The following SMIM14 variants were observed in gnomAD, a reference collection of about 807,000 sequenced individuals.
SMIM14 encodes the protein chromosome 4 open reading frame 34.
A neutral mutation model predicts 12.6 loss-of-function variants in SMIM14; 5 were observed. The ratio of observed to expected loss-of-function variants is 0.40; its 90% CI spans 0.21 to 0.83. The LOEUF (loss-of-function observed/expected upper bound fraction) is 0.83. Ranked by LOEUF, SMIM14 falls within the 40% of genes least tolerant of loss-of-function variation. The pLI is 0.37. For missense variants in SMIM14, 86 were observed against 119.1 expected, an observed-to-expected ratio of 0.72 and a Z score of 1.29; for synonymous variants, 30 against 40.1, an observed-to-expected ratio of 0.75 and a Z score of 0.95.
chr4:39,634,558 C>A (rs1716023334), intron 1 of SMIM14, among the ~76,000 whole-genome samples: 1 of 152,106 alleles, frequency 6.6e-6, no homozygotes, highest in Admixed American at 6.6e-5. Flanking sequence ...TAATACTTGA[C>A]ATATAAAGTA....
intron 2 of SMIM14, among the ~76,000 whole-genome samples, chr4:39,582,581 T>A (rs1172185649): frequency 6.6e-6 from 1 of 151,564 alleles, no homozygotes; most frequent in Admixed American, 6.6e-5. Flanking sequence ...GGAGAATCGC[T>A]TGAACCCAGG....
In SMIM14 at chr4:39,593,246, A is replaced by G. The variant is rs1578341060; in HGVS notation, c.75+11825T>C. On this transcript the variant is annotated intron_variant, in intron 2 of 4. Transcript: ENST00000295958. ...CATTCCTGGGATGTAAGGCTGGTTCAATATATGCAAATCAATAAATGTAAT... is the reference window on the plus strand; with the variant it reads ...CATTCCTGGGATGTAAGGCTGGTTCGATATATGCAAATCAATAAATGTAAT... The G allele has an allele frequency of 3.9e-5, 6 of 152,370 alleles. No individual in the cohort carries two copies. The South Asian group carries it at 1.2e-3, about 32-fold the overall frequency. The allele number at this position is 152,370 out of a possible 1,614,324, so 9.4% of individuals were successfully genotyped here.
intron 2 of SMIM14, among the ~76,000 whole-genome samples, chr4:39,580,153 T>G (rs1419562653): frequency 6.6e-6 from 1 of 151,836 alleles, no homozygotes; most frequent in East Asian, 1.9e-4. Context: ...TACAAAAATG[T>G]GGTTAAAAAA....
chr4:39,582,888 G>A lies in SMIM14; in HGVS notation c.76-10425C>T, dbSNP rs982956146. ...CAGCTCACCACAACCTCCGCCTCCC[G>A]GGTCCAAAATTCTCGTGCCTCAGCC... On this transcript the variant is annotated intron_variant, in intron 2 of 4. Transcript: ENST00000295958. 7.9e-5 allele frequency among the ~76,000 whole-genome samples: 12 copies of A among 151,920 alleles called. 1 individual carries two copies. The highest frequency in any genetic ancestry group is 3.9e-4 in the East Asian group (2 of 5,180).
chr4:39,601,133 C>T (rs1381944587), intron 2 of SMIM14, among the ~76,000 whole-genome samples: 4 of 152,092 alleles, frequency 2.6e-5, no homozygotes, highest in African/African-American at 9.7e-5. Context: ...CCTAACTGCT[C>T]CTAAGTTGTG....
At chr4:39,597,421 T>C (rs1468771798) in intron 2 of SMIM14, among the ~76,000 whole-genome samples, 1 of 151,372 alleles carries the variant, frequency 6.6e-6, no homozygotes, top group Non-Finnish European at 1.5e-5. Flanking sequence ...TTTCAGAAAG[T>C]CATTGTCACT....
chr4:39,552,476 G>A (rs1273168323), intron 4 of SMIM14, among the ~76,000 whole-genome samples: 1 of 152,156 alleles, frequency 6.6e-6, no homozygotes, highest in East Asian at 1.9e-4. Flanking sequence ...GCCAACCCCA[G>A]GAGTGATCTT....
At chr4:39,556,666 A>C (rs1352647752) in intron 3 of SMIM14, 96 bp from the exon 4 acceptor site, 8 of 1,093,532 alleles carry the variant, frequency 7.3e-6, no homozygotes, top group Non-Finnish European at 9.8e-6. Flanking sequence ...CTGTATTAAT[A>C]TAAAAATTGT....
At chr4:39,600,279 T>A (rs183776104) in intron 2 of SMIM14, among the ~76,000 whole-genome samples, 147 of 152,140 alleles carry the variant, frequency 9.7e-4, no homozygotes, top group Middle Eastern at 3.4e-3. Context: ...CCTCAAGTGA[T>A]CCACCTGCCT....
intron 1 of SMIM14, among the ~76,000 whole-genome samples, chr4:39,615,087 C>T (rs1715170929): frequency 6.6e-6 from 1 of 151,724 alleles, no homozygotes; most frequent in Admixed American, 6.6e-5. Flanking sequence ...CCGATAGAGT[C>T]TCTAAAATGT....
Position 39,556,517 on chromosome 4 carries a change from A to C in SMIM14, c.178T>G (p.Trp60Gly). The change falls in exon 4 of 5, where the codon TGG (tryptophan) becomes GGG (glycine). Residue 60 changes from tryptophan to glycine, a missense_variant. Coordinates refer to ENST00000295958, the MANE Select transcript of SMIM14 (RefSeq NM_174921.3). ...GISVTMILVA[W>G]MVIALILFLL... is the part of the protein sequence containing the mutation. ...AACAAGATCAATGCAATAACCATCC[A>C]GGCTACCAAGATCATTGTAACACTG... 2 of 1,613,990 alleles carry C rather than the reference A, an allele frequency of 1.2e-6. No homozygotes were observed. The highest frequency in any genetic ancestry group is 1.7e-6 in the Non-Finnish European group (2 of 1,179,986).
intron 1 of SMIM14, among the ~76,000 whole-genome samples, chr4:39,635,645 T>C (rs1479209842): frequency 1.3e-5 from 2 of 152,124 alleles, no homozygotes; most frequent in Non-Finnish European, 2.9e-5. Context: ...GTAGTAAACA[T>C]CTAGGACTAA....
rs148560449 is a variant in SMIM14, at chr4:39,576,420, AC to A, written c.76-3958del. Reference sequence around the variant, plus strand: ...AGGCACATTTCAGGCAAAGTACATGACTAGGAGGTCCCTAGGTGACAAGGTG... The same window carrying A: ...AGGCACATTTCAGGCAAAGTACATGATAGGAGGTCCCTAGGTGACAAGGTG... On this transcript the variant is annotated intron_variant, in intron 2 of 4. Coordinates refer to ENST00000295958, the MANE Select transcript of SMIM14 (RefSeq NM_174921.3). Among the ~76,000 whole-genome samples, 340 of 151,440 alleles carry A rather than the reference AC, an allele frequency of 2.2e-3. 1 individual carries two copies. Among genetic ancestry groups the A allele is most frequent in the African/African-American group, 7.9e-3 (328 of 41,356 alleles).
rs145651194 is a variant in SMIM14 at position 39,592,111 on chromosome 4, G to A, written c.75+12960C>T. Among the ~76,000 whole-genome samples, 1,092 of 152,068 alleles carry A rather than the reference G, an allele frequency of 7.2e-3. 5 individuals are homozygous for A. Among genetic ancestry groups the A allele is most frequent in the Non-Finnish European group, 0.012 (797 of 67,974 alleles). On this transcript the variant is annotated intron_variant, in intron 2 of 4. Transcript: ENST00000295958. ...CTCTGGAGACTGAGGTGGGAGGATC[G>A]CTTGAGCCCAGGAGTTCAAGGCTGC...
At chr4:39,588,586 C>G (rs1276823659) in intron 2 of SMIM14, among the ~76,000 whole-genome samples, 2 of 151,794 alleles carry the variant, frequency 1.3e-5, no homozygotes, top group Non-Finnish European at 2.9e-5. Flanking sequence ...AAGTTAATCA[C>G]ACGATTAAAA....
chr4:39,565,846 G>A (rs7658172), intron 3 of SMIM14, among the ~76,000 whole-genome samples: 29,976 of 151,524 alleles, frequency 0.2, 3,561 homozygotes, highest in South Asian at 0.42. Flanking sequence ...CCTTTCCTGC[G>A]CTCTTCTCAT....
chr4:39,603,839 C>T (rs949365938), intron 2 of SMIM14, among the ~76,000 whole-genome samples: 8 of 150,722 alleles, frequency 5.3e-5, no homozygotes, highest in Non-Finnish European at 7.4e-5. Context: ...GGTGAAACCC[C>T]GTCTCTACTA....
At chr4:39,621,718 G>A (rs1359561269) in intron 1 of SMIM14, among the ~76,000 whole-genome samples, 3 of 130,326 alleles carry the variant, frequency 2.3e-5, no homozygotes, top group Non-Finnish European at 4.7e-5. Flanking sequence ...TTTGAGAAAG[G>A]CTCTTGCTCT....
At chr4:39,552,187 A>AT in intron 4 of SMIM14, 29 bp from the exon 5 acceptor site, 1 of 1,544,820 alleles carries the variant, frequency 6.5e-7, no homozygotes, top group Non-Finnish European at 8.7e-7. Flanking sequence ...AAATTATTTA[A>AT]TTGACTTTTT....
Sources: allele counts gnomAD v4.1 joint callset (sites outside exome capture counted in the v4.1 genomes callset), GRCh38; gene constraint gnomAD v4.1.1; transcripts MANE v1.5; gene names NCBI Gene and HGNC (gene_info 2026-07-23, HGNC 2026-07-21).